Variants in DAPK2 observed in about 807,000 individuals in gnomAD.
DAPK2 encodes the protein death-associated protein kinase 2.
In DAPK2, 35 loss-of-function variants were observed where a neutral mutation model predicts 44.1. That is an observed-to-expected ratio of 0.79 (90% CI 0.61 to 1.05). The LOEUF is 1.05. Among genes scored for constraint, DAPK2 ranks in the 50% least tolerant of loss-of-function variants. The pLI is 0.00. For synonymous variants in DAPK2, 174 were observed against 182.6 expected, an observed-to-expected ratio of 0.95 and a Z score of 0.38; for missense variants, 453 against 483.2, an observed-to-expected ratio of 0.94 and a Z score of 0.59.
intron 3 of DAPK2, among the ~76,000 whole-genome samples, chr15:63,952,247 G>GA (rs2077609518): frequency 6.6e-6 from 1 of 151,684 alleles, no homozygotes; most frequent in African/African-American, 2.4e-5. Flanking sequence ...CTCAAGAAAA[G>GA]AAAAAAAAGT....
chr15:63,958,062 G>A (rs928664819), intron 3 of DAPK2, among the ~76,000 whole-genome samples: 1 of 152,194 alleles, frequency 6.6e-6, no homozygotes, highest in African/African-American at 2.4e-5. Flanking sequence ...ACTGGTGTGA[G>A]ATGGTATCTC....
At position 63,915,340 on chromosome 15, in the gene DAPK2, C is replaced by T. The variant is rs190425275; in HGVS notation, c.859-3143G>A. Among the ~76,000 whole-genome samples, 39 of 152,300 alleles carry T rather than the reference C, an allele frequency of 2.6e-4. 1 individual carries two copies. Among genetic ancestry groups the T allele is most frequent in the Admixed American group, 1.8e-3 (28 of 15,306 alleles). ...TCGTTTCCAAGGTGCTTAGCACCCT[C>T]CCCAACCCATCAACCATTTCTAAGT... On this transcript the variant is annotated intron_variant, in intron 8 of 10. Transcript: ENST00000261891.
At chr15:64,036,653 A>G (rs566047348) in intron 1 of DAPK2, among the ~76,000 whole-genome samples, 2 of 152,010 alleles carry the variant, frequency 1.3e-5, no homozygotes, top group East Asian at 3.9e-4. Context: ...AGCTTCATCC[A>G]TTGTTACATG....
upstream of DAPK2, among the ~76,000 whole-genome samples, chr15:64,041,225 C>G (rs1288010407): frequency 6.6e-6 from 1 of 152,184 alleles, no homozygotes; most frequent in Admixed American, 6.5e-5. Context: ...CCTACAGGCA[C>G]CAGGAGTCAG....
chr15:63,909,547 A>G (rs2078731991), intron 10 of DAPK2: 2 of 152,254 alleles, frequency 1.3e-5, no homozygotes, highest in South Asian at 4.1e-4. Context: ...CATGCCTGTA[A>G]TCCCAGCACT....
At chr15:64,022,828 T>C (rs993811529) in intron 1 of DAPK2, among the ~76,000 whole-genome samples, 1 of 152,084 alleles carries the variant, frequency 6.6e-6, no homozygotes, top group Admixed American at 6.6e-5. Context: ...AGAATACTTG[T>C]GTGTGTGTAT....
intron 8 of DAPK2, chr15:63,922,487 A>C: frequency 7.8e-7 from 1 of 1,275,800 alleles, no homozygotes; most frequent in South Asian, 2.2e-5. Context: ...AGGGGTACTC[A>C]CTCTCTAATT....
chr15:64,046,244 G>A lies in DAPK2; in HGVS notation c.-7+54C>T, dbSNP rs1292454556. On this transcript the variant is annotated intron_variant, in intron 1 of 11. Transcript: ENST00000457488. The surrounding 1 kb of genome is among the most constrained non-coding windows in gnomAD (Gnocchi z 5.3). ...AGCCCCAGACCCGGGCGCTGCTGCC[G>A]TCAGGCCGCGCGCCCCGTCCCGCCC... 6 of 816,808 alleles carry A rather than the reference G, an allele frequency of 7.3e-6. No individual in the cohort carries two copies. In the African/African-American group the frequency reaches 7.4e-5, roughly 10 times the overall value. 50.6% of individuals were successfully genotyped at this position (816,808 alleles called of 1,614,324 possible). A position where few individuals can be genotyped will look rare whatever the true frequency, so the allele number is the denominator to read the frequency against.
chr15:63,988,659 A>G (rs2078730401), intron 1 of DAPK2, among the ~76,000 whole-genome samples: 1 of 151,436 alleles, frequency 6.6e-6, no homozygotes, highest in Non-Finnish European at 1.5e-5. Flanking sequence ...CACCGCGACC[A>G]TGGATGGCTA....
At chr15:63,969,900 A>G (rs891591005) in intron 3 of DAPK2, among the ~76,000 whole-genome samples, 5 of 152,168 alleles carry the variant, frequency 3.3e-5, no homozygotes, top group Admixed American at 6.5e-5. Context: ...GAGATAATGG[A>G]CATGCCAGAC....
At chr15:63,909,455 A>C (rs2146454580) in intron 10 of DAPK2, 2 of 152,282 alleles carry the variant, frequency 1.3e-5, no homozygotes, top group East Asian at 3.9e-4. Context: ...ATTTGAGTAA[A>C]AAGAGTACTA....
At chr15:63,956,294 C>A (rs2140573689) in intron 3 of DAPK2, among the ~76,000 whole-genome samples, 1 of 152,028 alleles carries the variant, frequency 6.6e-6, no homozygotes, top group South Asian at 2.1e-4. Flanking sequence ...TTTTATTTAT[C>A]TCTGTTCTGA....
At position 64,046,171 on chromosome 15, in the gene DAPK2, G is replaced by A. The variant is rs923050359; in HGVS notation, c.-7+127C>T. ...GGCCACGGCGTCAGGCATTGGGGCG[G>A]CGGGCCCGGGATCTGCGAGCGAGTG... On this transcript the variant is annotated intron_variant, in intron 1 of 11. Coordinates refer to the DAPK2 transcript ENST00000457488. This position sits in a 1 kb window ranked among gnomAD's most constrained non-coding sequence, Gnocchi z 5.3. The A allele has an allele frequency of 9.5e-5, 27 of 285,206 alleles. No homozygotes were observed. The highest frequency in any genetic ancestry group is 1.1e-4 in the Non-Finnish European group (21 of 189,304). The allele number at this position is 285,206 out of a possible 1,614,324, so 17.7% of individuals were successfully genotyped here.
chr15:63,929,754 G>T, intron 5 of DAPK2, 177 bp from the exon 7 acceptor site: 1 of 755,936 alleles, frequency 1.3e-6, no homozygotes, highest in Non-Finnish European at 2.3e-6. Context: ...CCCGGGGTGT[G>T]TTTGGAGTCA....
chr15:63,998,763 A>T (rs2079013182), intron 1 of DAPK2, among the ~76,000 whole-genome samples: 2 of 151,840 alleles, frequency 1.3e-5, no homozygotes, highest in South Asian at 4.2e-4. Flanking sequence ...CCGGAATCTC[A>T]CCGTGGGCTG....
intron 1 of DAPK2, among the ~76,000 whole-genome samples, chr15:63,995,020 C>A (rs953024206): frequency 2.0e-5 from 3 of 152,000 alleles, no homozygotes; most frequent in African/African-American, 7.3e-5. Flanking sequence ...ATTTTAATAT[C>A]TAATTTTAAA....
intron 3 of DAPK2, among the ~76,000 whole-genome samples, chr15:63,955,883 T>G (rs2077709111): frequency 6.6e-6 from 1 of 152,214 alleles, no homozygotes. Context: ...TTAGTTCTTA[T>G]TTAAATGTTT....
At chr15:64,039,065 T>A (rs2080287200) in intron 1 of DAPK2, among the ~76,000 whole-genome samples, 1 of 152,226 alleles carries the variant, frequency 6.6e-6, no homozygotes, top group Non-Finnish European at 1.5e-5. Flanking sequence ...ACCAAACCAA[T>A]GTTCATCTTG....
chr15:64,006,508 C>A (rs1204444740), intron 1 of DAPK2, among the ~76,000 whole-genome samples: 1 of 152,138 alleles, frequency 6.6e-6, no homozygotes, highest in Non-Finnish European at 1.5e-5. Context: ...CAAGGAACTC[C>A]CCCAACTCCA....
Sources: allele counts gnomAD v4.1 joint callset (sites outside exome capture counted in the v4.1 genomes callset), GRCh38; gene constraint gnomAD v4.1.1; non-coding constraint Gnocchi (gnomAD v3.1); transcripts MANE v1.5; gene names NCBI Gene and HGNC (gene_info 2026-07-23, HGNC 2026-07-21).